The following CDC42BPA variants were observed in gnomAD, a reference collection of about 807,000 sequenced individuals.
CDC42BPA encodes the protein serine/threonine-protein kinase MRCK alpha.
In CDC42BPA, 80 loss-of-function variants were observed where a neutral mutation model predicts 223.5. The ratio of observed to expected loss-of-function variants is 0.36; its 90% CI spans 0.30 to 0.43. CDC42BPA has a LOEUF of 0.43. CDC42BPA is among the 20% of genes least tolerant of loss of function. The pLI, the probability that CDC42BPA is intolerant of heterozygous loss-of-function variation, is 1.00. For synonymous variants in CDC42BPA, 694 were observed against 718.6 expected (o/e 0.97, Z 0.55); for missense variants, 1,743 against 2,099.9 (o/e 0.83, Z 3.32).
chr1:227,009,643 T>TG (rs1664784999), intron 34 of CDC42BPA, among the ~76,000 whole-genome samples: 1 of 152,016 alleles, frequency 6.6e-6, no homozygotes, highest in South Asian at 2.1e-4. Flanking sequence ...CTCAAACTCC[T>TG]AGGCTCAAGT....
intron 1 of CDC42BPA, among the ~76,000 whole-genome samples, chr1:227,273,545 A>AC (rs1384208789): frequency 2.6e-5 from 4 of 151,964 alleles, no homozygotes; most frequent in Admixed American, 6.6e-5. Flanking sequence ...CAAAAAAAAA[A>AC]AAACCAACAA....
chr1:227,065,886 C>A (rs1315922104), intron 21 of CDC42BPA, among the ~76,000 whole-genome samples: 2 of 152,042 alleles, frequency 1.3e-5, no homozygotes, highest in Non-Finnish European at 2.9e-5. Flanking sequence ...AGTCTTATTC[C>A]CTTCTATACG....
chr1:227,206,918 CT>C (rs1439468066), intron 3 of CDC42BPA, among the ~76,000 whole-genome samples: 15 of 151,478 alleles, frequency 9.9e-5, no homozygotes, highest in Non-Finnish European at 2.1e-4. Context: ...GACTACTTAT[CT>C]TTTTTATTAT....
intron 1 of CDC42BPA, among the ~76,000 whole-genome samples, chr1:227,256,936 T>TAC (rs1354956767): frequency 1.3e-4 from 12 of 93,272 alleles, no homozygotes; most frequent in South Asian, 3.2e-4. Flanking sequence ...CAAAATGTGA[T>TAC]ATATATATAC....
intron 24 of CDC42BPA, among the ~76,000 whole-genome samples, chr1:227,036,537 C>T (rs1670288854): frequency 6.7e-6 from 1 of 148,604 alleles, no homozygotes; most frequent in Admixed American, 6.9e-5. Flanking sequence ...TCACGCCATT[C>T]TCCTGCCTCA....
chr1:227,241,411 T>C (rs1371380901), intron 2 of CDC42BPA, among the ~76,000 whole-genome samples: 1 of 152,088 alleles, frequency 6.6e-6, no homozygotes. Context: ...ATCAGCTTTA[T>C]TTCTAATAGC....
intron 30 of CDC42BPA, 56 bp downstream of exon 30, chr1:227,028,601 A>C (rs1457174966): frequency 5.9e-6 from 7 of 1,188,254 alleles, no homozygotes; most frequent in African/African-American, 1.5e-5. Flanking sequence ...ACGAAGTAGA[A>C]GGGAAAAGGA....
In CDC42BPA at chr1:227,091,950, T is replaced by G. The variant is rs1683146561; in HGVS notation, c.2291A>C (p.Gln764Pro). 1.2e-6 allele frequency: 2 copies of G among 1,609,032 alleles called. No individual in the cohort carries two copies. Among genetic ancestry groups the G allele is most frequent in the Non-Finnish European group, 1.7e-6 (2 of 1,177,958 alleles). ...REEFESEFKQ[Q>P]YEREKVLLTE... ...TAACAACACTTTTTCTCGTTCATAT[T>G]GTTGTTTGAACTCACTTTCAAATTC... The change falls in exon 16 of 37, where the codon CAA becomes CCA. Residue 764 changes from glutamine to proline, a missense_variant. By Grantham distance (76) the Gln-to-Pro change is moderately conservative. This residue lies in a region of CDC42BPA where 464 missense variants were observed against 488.0 expected (regional missense o/e 0.95). Coordinates refer to ENST00000366766, the MANE Select transcript of CDC42BPA (RefSeq NM_001394014.1).
intron 23 of CDC42BPA, among the ~76,000 whole-genome samples, chr1:227,045,986 C>T (rs1047680955): frequency 4.3e-4 from 66 of 151,942 alleles, no homozygotes; most frequent in African/African-American, 1.5e-3. Flanking sequence ...TTGTATTTTT[C>T]ATATAGACAG....
intron 21 of CDC42BPA, among the ~76,000 whole-genome samples, chr1:227,059,899 A>G (rs1169167065): frequency 6.6e-6 from 1 of 151,726 alleles, no homozygotes; most frequent in East Asian, 1.9e-4. Context: ...ATTAAAATTA[A>G]AAGTTATTTG....
intron 21 of CDC42BPA, chr1:227,059,458 CAT>C: frequency 6.7e-7 from 1 of 1,481,560 alleles, no homozygotes; most frequent in Non-Finnish European, 9.2e-7. Flanking sequence ...TATTTACACA[CAT>C]AAGACTCTCA....
At chr1:227,081,345 C>A (rs1680597157) in intron 16 of CDC42BPA, among the ~76,000 whole-genome samples, 1 of 151,718 alleles carries the variant, frequency 6.6e-6, no homozygotes. Context: ...TAATTTCAAG[C>A]ATATACAGAA....
intron 6 of CDC42BPA, among the ~76,000 whole-genome samples, chr1:227,148,736 C>CAGCCTGGGCGACAG (rs963728634): frequency 3.1e-5 from 4 of 127,314 alleles, no homozygotes; most frequent in African/African-American, 1.2e-4. Context: ...CACTGCACTC[C>CAGCCTGGGCGACAG]AGCCTGGGCG....
At chr1:227,231,523 G>T (rs1572514429) in intron 2 of CDC42BPA, among the ~76,000 whole-genome samples, 1 of 152,162 alleles carries the variant, frequency 6.6e-6, no homozygotes, top group South Asian at 2.1e-4. Context: ...GGGTCAAATG[G>T]TATTTCTAGT....
intron 1 of CDC42BPA, among the ~76,000 whole-genome samples, chr1:227,290,543 T>G (rs959142261): frequency 6.6e-6 from 1 of 152,110 alleles, no homozygotes; most frequent in Admixed American, 6.5e-5. Context: ...GTCCTAGATA[T>G]ACAAGAAATG....
Position 227,111,444 on chromosome 1 carries a change from A to C in CDC42BPA, c.2001+868T>G, listed in dbSNP as rs114537078. 5.5e-3 allele frequency among the ~76,000 whole-genome samples: 842 copies of C among 152,274 alleles called. 9 individuals are homozygous for C. Among genetic ancestry groups the C allele is most frequent in the African/African-American group, 0.019 (797 of 41,556 alleles). The stretch of plus-strand genomic sequence containing the variant: ...ATGTATGTATGTACTCGTGACATGA[A>C]ATAGTTTTATAGAGGAGAAAATTAA... On this transcript the variant is annotated intron_variant, in intron 14 of 36. Coordinates refer to ENST00000366766, the MANE Select transcript of CDC42BPA (RefSeq NM_001394014.1).
intron 30 of CDC42BPA, among the ~76,000 whole-genome samples, chr1:227,028,042 T>G (rs1668590909): frequency 6.6e-6 from 1 of 151,368 alleles, no homozygotes; most frequent in South Asian, 2.1e-4. Context: ...ACTGCTTCAG[T>G]GTAAGAGTTG....
intron 21 of CDC42BPA, chr1:227,059,276 C>G: frequency 1.0e-6 from 1 of 968,326 alleles, no homozygotes; most frequent in South Asian, 1.4e-5. Context: ...TAATAATATA[C>G]CACAAAAACA....
intron 1 of CDC42BPA, among the ~76,000 whole-genome samples, chr1:227,316,041 A>G (rs1298737493): frequency 1.3e-5 from 2 of 152,098 alleles, no homozygotes; most frequent in African/African-American, 4.8e-5. Context: ...ATATTTTAGC[A>G]TAAGAACTTA....
Sources: gnomAD v4.1 joint callset for allele counts (sites outside exome capture counted in the v4.1 genomes callset) on GRCh38, gnomAD v4.1.1 for gene constraint, gnomAD v4.1.1 regional missense constraint, MANE v1.5 for transcripts, NCBI Gene and HGNC (gene_info 2026-07-23, HGNC 2026-07-21) for gene names.